The following HEMK2 variants were observed in gnomAD, a reference collection of about 807,000 sequenced individuals.
HEMK2 encodes the protein methyltransferase HEMK2.
At chr21:28,689,140 A>T in the HEMK2 span, among the ~76,000 whole-genome samples, 1 of 152,236 alleles carries the variant, frequency 6.6e-6, no homozygotes, top group African/African-American at 2.4e-5. Flanking sequence ...TGGCAGAAAA[A>T]AATCAAAGGA....
At chr21:28,609,582 A>C in the HEMK2 span, among the ~76,000 whole-genome samples, 1 of 151,384 alleles carries the variant, frequency 6.6e-6, no homozygotes, top group African/African-American at 2.4e-5. Flanking sequence ...AAAAAAAAAA[A>C]ACAACAGAAG....
the HEMK2 span, among the ~76,000 whole-genome samples, chr21:28,806,161 C>T: frequency 6.6e-6 from 1 of 152,174 alleles, no homozygotes; most frequent in South Asian, 2.1e-4. Context: ...CCAGTGCCCC[C>T]ACATGACTGC....
the HEMK2 span, among the ~76,000 whole-genome samples, chr21:28,853,380 T>C: frequency 1.3e-5 from 2 of 152,206 alleles, no homozygotes; most frequent in South Asian, 4.1e-4. Context: ...TGGGCCCAAA[T>C]CAATAAATTC....
chr21:28,609,639 C>A, the HEMK2 span, among the ~76,000 whole-genome samples: 2 of 135,946 alleles, frequency 1.5e-5, no homozygotes, highest in Non-Finnish European at 1.6e-5. Flanking sequence ...AGGTGAAGTC[C>A]AACTTAAAGA....
chr21:28,715,240 AT>A, the HEMK2 span, among the ~76,000 whole-genome samples: 1 of 152,088 alleles, frequency 6.6e-6, no homozygotes, highest in African/African-American at 2.4e-5. Flanking sequence ...AGCTGAACTA[AT>A]TTACATTCCC....
the HEMK2 span, among the ~76,000 whole-genome samples, chr21:28,785,369 A>G: frequency 6.6e-6 from 1 of 152,356 alleles, no homozygotes; most frequent in Admixed American, 6.5e-5. Flanking sequence ...CAGGAAGACA[A>G]TACAGCAATA....
At chr21:28,633,614 G>A in the HEMK2 span, among the ~76,000 whole-genome samples, 14 of 152,160 alleles carry the variant, frequency 9.2e-5, no homozygotes, top group South Asian at 2.9e-3. Context: ...GAAACCAGAG[G>A]CCCATTTCAG....
chr21:28,832,762 C>G, the HEMK2 span, among the ~76,000 whole-genome samples: 1 of 152,324 alleles, frequency 6.6e-6, no homozygotes, highest in Admixed American at 6.5e-5. Flanking sequence ...GCCCTACATA[C>G]AGACTACTAA....
the HEMK2 span, among the ~76,000 whole-genome samples, chr21:28,711,914 T>C: frequency 6.6e-6 from 1 of 152,194 alleles, no homozygotes; most frequent in East Asian, 1.9e-4. Flanking sequence ...TGTCCTTACA[T>C]GGCAGAAAAG....
the HEMK2 span, among the ~76,000 whole-genome samples, chr21:28,743,949 G>C: frequency 6.6e-6 from 1 of 152,186 alleles, no homozygotes; most frequent in Non-Finnish European, 1.5e-5. Context: ...CAGAAACGTG[G>C]ATGGAACTGG....
the HEMK2 span, among the ~76,000 whole-genome samples, chr21:28,760,665 T>C: frequency 1.3e-5 from 2 of 152,194 alleles, no homozygotes; most frequent in South Asian, 2.1e-4. Context: ...TTTATATTTA[T>C]GACATTGATA....
At chr21:28,864,301 C>G in the HEMK2 span, among the ~76,000 whole-genome samples, 1 of 152,146 alleles carries the variant, frequency 6.6e-6, no homozygotes, top group African/African-American at 2.4e-5. Flanking sequence ...AAACCAAAGG[C>G]CTTCTAAAGC....
At chr21:28,844,352 C>A in the HEMK2 span, among the ~76,000 whole-genome samples, 2 of 152,008 alleles carry the variant, frequency 1.3e-5, no homozygotes, top group Admixed American at 6.6e-5. Context: ...CAATCCTATA[C>A]AGAAATGTGA....
At chr21:28,625,162 A>G in the HEMK2 span, among the ~76,000 whole-genome samples, 1 of 152,238 alleles carries the variant, frequency 6.6e-6, no homozygotes, top group Non-Finnish European at 1.5e-5. Context: ...AGAAAATGAT[A>G]AAAGGAGAGA....
At chr21:28,852,773 C>G in the HEMK2 span, among the ~76,000 whole-genome samples, 9 of 152,298 alleles carry the variant, frequency 5.9e-5, no homozygotes, top group African/African-American at 1.9e-4. Flanking sequence ...TGAAAGTTCT[C>G]TGCTTATATA....
the HEMK2 span, among the ~76,000 whole-genome samples, chr21:28,600,228 C>T: frequency 6.6e-6 from 1 of 152,246 alleles, no homozygotes; most frequent in African/African-American, 2.4e-5. Context: ...AGGGCTCCGC[C>T]CCTGCAGCAA....
the HEMK2 span, among the ~76,000 whole-genome samples, chr21:28,598,524 A>G: frequency 1.3e-5 from 2 of 152,330 alleles, no homozygotes; most frequent in South Asian, 2.1e-4. Flanking sequence ...TCCCCTGTGA[A>G]GGACACCTGC....
At chr21:28,760,215 T>A in the HEMK2 span, among the ~76,000 whole-genome samples, 1 of 152,210 alleles carries the variant, frequency 6.6e-6, no homozygotes, top group Admixed American at 6.5e-5. Flanking sequence ...ATGGATGAGA[T>A]TTTTGGTGAT....
At chr21:28,712,082 A>G in the HEMK2 span, among the ~76,000 whole-genome samples, 103 of 152,284 alleles carry the variant, frequency 6.8e-4, 2 homozygotes, top group South Asian at 4.2e-3. Context: ...AAGGACACAA[A>G]CTTTGAGTCC....
Sources: gnomAD v4.1 joint callset for allele counts (sites outside exome capture counted in the v4.1 genomes callset) on GRCh38, gnomAD v4.1.1 for gene constraint, MANE v1.5 for transcripts, NCBI Gene and HGNC (gene_info 2026-07-23, HGNC 2026-07-21) for gene names.